The following SRPX2 variants were observed in gnomAD, a reference collection of about 807,000 sequenced individuals.
SRPX2 encodes the protein sushi repeat containing protein X-linked 2.
Under a neutral mutation model 45.3 loss-of-function variants are expected in SRPX2, and 26 were observed. The ratio of observed to expected loss-of-function variants is 0.57; its 90% CI spans 0.42 to 0.80. The LOEUF is 0.80. Among genes scored for constraint, SRPX2 ranks in the 30% least tolerant of loss-of-function variants. The probability of loss-of-function intolerance (pLI) is 0.00; values close to 1 mark genes in which losing one functional copy is unlikely to be tolerated. For synonymous variants in SRPX2, 125 were observed against 143.7 expected, an observed-to-expected ratio of 0.87 and a Z score of 0.93; for missense variants, 355 against 399.8, an observed-to-expected ratio of 0.89 and a Z score of 0.95.
intron 9 of SRPX2, among the ~76,000 whole-genome samples, chrX:100,668,011 A>G (rs768089475): frequency 8.9e-6 from 1 of 111,978 alleles, no homozygotes; most frequent in African/African-American, 3.2e-5. Context: ...AAAAAGAAGG[A>G]AAAGCGTTAT....
chrX:100,670,659 A>C (rs1284160766), intron 10 of SRPX2, 148 bp from the exon 11 acceptor site: 2 of 609,187 alleles, frequency 3.3e-6, no homozygotes, highest in African/African-American at 4.4e-5. Context: ...AAGCGACTTG[A>C]GACAGGAAGT....
At chrX:100,663,936 G>A (rs1239328612) in intron 4 of SRPX2, among the ~76,000 whole-genome samples, 1 of 111,945 alleles carries the variant, frequency 8.9e-6, no homozygotes, top group African/African-American at 3.3e-5. Context: ...CAGTACCTAT[G>A]GGAGCCCCAA....
rs2083251961 is a variant in SRPX2, at chrX:100,674,830, C to T, written c.*3843C>T. On this transcript the variant is annotated 3_prime_UTR_variant, in exon 11 of 11. Transcript: ENST00000373004. ...GATCAATGAGTACCAGAAGATGAAA[C>T]TTAGCTCACTAGACCCTTCTTTGAA... The T allele has an allele frequency of 8.9e-6, 1 of 111,858 alleles. No homozygotes were observed. The allele number at this position is 111,858 out of a possible 1,213,427, so 9.2% of individuals were successfully genotyped here.
Position 100,667,514 on chromosome X carries a change from T to A in SRPX2, c.1095+107T>A. On this transcript the variant is annotated intron_variant, in intron 9 of 10. Transcript: ENST00000373004. ...ACAAACCTTACCTACTTCCTGAAAC[T>A]TTTTGTGGATAGCATTTGATCAGTT... The A allele has an allele frequency of 8.2e-6, 8 of 978,155 alleles. No individual in the cohort carries two copies. In the Admixed American group the frequency reaches 9.1e-5, roughly 11 times the overall value. 80.6% of individuals were successfully genotyped at this position (978,155 alleles called of 1,213,427 possible).
At chrX:100,657,062 G>A (rs906292851) in intron 3 of SRPX2, among the ~76,000 whole-genome samples, 28 of 109,738 alleles carry the variant, frequency 2.6e-4, no homozygotes, top group Admixed American at 1.1e-3. Flanking sequence ...CCAGTAGCTG[G>A]GATTACAGGC....
chrX:100,653,676 T>C lies in SRPX2; in HGVS notation c.163+2811T>C, dbSNP rs200138737. Among the ~76,000 whole-genome samples the C allele has an allele frequency of 1.8e-4, 20 of 112,185 alleles. No individual in the cohort carries two copies. The East Asian group carries it at 5.4e-3, about 30-fold the overall frequency. The stretch of plus-strand genomic sequence containing the variant: ...CCAACTGCTTTAGCCCACACTGAGC[T>C]TTCTCTCGCCCATTTATTCTTTCAT... On this transcript the variant is annotated intron_variant, in intron 3 of 10. Coordinates refer to ENST00000373004, the MANE Select transcript of SRPX2 (RefSeq NM_014467.3).
intron 5 of SRPX2, 111 bp from the exon 6 acceptor site, chrX:100,665,132 G>C (rs910264449): frequency 3.6e-6 from 4 of 1,121,040 alleles, no homozygotes; most frequent in Non-Finnish European, 4.8e-6. Context: ...CAGTTTCCTT[G>C]AGCACCTTGA....
At chrX:100,654,939 C>T (rs1185786367) in intron 3 of SRPX2, among the ~76,000 whole-genome samples, 2 of 111,958 alleles carry the variant, frequency 1.8e-5, no homozygotes, top group Non-Finnish European at 3.8e-5. Context: ...TGCCTCATCC[C>T]TGAGCAAGCT....
chrX:100,648,559 A>T (rs922948569), intron 2 of SRPX2, among the ~76,000 whole-genome samples: 1 of 112,155 alleles, frequency 8.9e-6, no homozygotes, highest in Non-Finnish European at 1.9e-5. Context: ...AAAAAAGAAA[A>T]AAAACTCAAA....
At chrX:100,652,671 G>T (rs1355126399) in intron 3 of SRPX2, among the ~76,000 whole-genome samples, 1 of 111,963 alleles carries the variant, frequency 8.9e-6, no homozygotes, top group Non-Finnish European at 1.9e-5. Context: ...ATATTGCAAA[G>T]AAATCAAATT....
chrX:100,650,275 AC>A (rs1438735905), intron 2 of SRPX2: 1 of 119,069 alleles, frequency 8.4e-6, no homozygotes, highest in Non-Finnish European at 1.7e-5. Flanking sequence ...TAATCCGATG[AC>A]AAAAAGGCCT....
chrX:100,668,021 T>C (rs1422991254), intron 9 of SRPX2, among the ~76,000 whole-genome samples: 1 of 111,803 alleles, frequency 8.9e-6, no homozygotes, highest in Non-Finnish European at 1.9e-5. Context: ...AAAAGCGTTA[T>C]GATATCTCAA....
Position 100,665,263 on chromosome X carries a change from C to T in SRPX2, c.553C>T (p.Arg185Cys), listed in dbSNP as rs370080258. The T allele has an allele frequency of 1.1e-5, 13 of 1,208,522 alleles. No individual in the cohort carries two copies. Among genetic ancestry groups the T allele is most frequent in the Admixed American group, 2.2e-5 (1 of 45,736 alleles). Residue 185 changes from arginine (R) to cysteine (C), a missense_variant, in exon 6 of 11, where the codon CGC (arginine) becomes TGC (cysteine). By Grantham distance (180) the Arg-to-Cys change is radical. Coordinates refer to ENST00000373004, the MANE Select transcript of SRPX2 (RefSeq NM_014467.3). ...GGCAGACATAGATCCCCCCAAGATC[C>T]GCTGTCCCCACTCACGTGAGAAGAT... ...VCVDIDPPKIRCPHSREKMAE... is the reference protein window; with the variant it reads ...VCVDIDPPKICCPHSREKMAE...
chrX:100,659,698 T>G (rs746339888), intron 3 of SRPX2, among the ~76,000 whole-genome samples: 1 of 111,146 alleles, frequency 9.0e-6, no homozygotes, highest in Admixed American at 9.5e-5. Flanking sequence ...GATTTCTCAC[T>G]GTCATCTGTC....
At chrX:100,646,495 A>G in intron 2 of SRPX2, 91 bp downstream of exon 2, 1 of 845,368 alleles carries the variant, frequency 1.2e-6, no homozygotes, top group Non-Finnish European at 1.8e-6. Context: ...ACAAAAAGAG[A>G]CACTTATTTT....
intron 3 of SRPX2, among the ~76,000 whole-genome samples, chrX:100,660,617 C>G (rs1044015792): frequency 9.0e-6 from 1 of 111,708 alleles, no homozygotes; most frequent in African/African-American, 3.3e-5. Flanking sequence ...ATTAAGAAGT[C>G]AAGAGATCGA....
chrX:100,651,944 G>C (rs1442071407), intron 3 of SRPX2, among the ~76,000 whole-genome samples: 1 of 111,812 alleles, frequency 8.9e-6, no homozygotes, highest in Admixed American at 9.5e-5. Flanking sequence ...GTTAGGCCAG[G>C]TGGTATCTAA....
In SRPX2 at chrX:100,665,620, C is replaced by G; in HGVS notation, c.744C>G (p.Tyr248Ter). Residue 248 changes from tyrosine (Y) to a stop codon, truncating the protein, a stop_gained, in exon 7 of 11, where the codon TAC (tyrosine) becomes TAG (stop). Coordinates refer to ENST00000373004, the MANE Select transcript of SRPX2 (RefSeq NM_014467.3). LOFTEE classifies it high-confidence loss of function. ...VIRYTAYDRA[Y>*]NRASCKFIVK... ...GTTACACTGCCTATGACCGAGCCTACAACCGGGCCAGCTGCAAGTTCATTG... is the reference window on the plus strand; with the variant it reads ...GTTACACTGCCTATGACCGAGCCTAGAACCGGGCCAGCTGCAAGTTCATTG... 4.1e-6 allele frequency: 5 copies of G among 1,212,002 alleles called. No individual in the cohort carries two copies. The highest frequency in any genetic ancestry group is 5.6e-6 in the Non-Finnish European group (5 of 895,573).
At chrX:100,658,300 G>A (rs2083177065) in intron 3 of SRPX2, among the ~76,000 whole-genome samples, 1 of 111,559 alleles carries the variant, frequency 9.0e-6, no homozygotes, top group Non-Finnish European at 1.9e-5. Flanking sequence ...ATGAGAGATG[G>A]GTGTCCAATT....
Sources: gnomAD v4.1 joint callset for allele counts (sites outside exome capture counted in the v4.1 genomes callset) on GRCh38, gnomAD v4.1.1 for gene constraint, MANE v1.5 for transcripts, NCBI Gene and HGNC (gene_info 2026-07-23, HGNC 2026-07-21) for gene names.